CFAP61: variants seen among roughly 807,000 people sequenced by gnomAD.
CFAP61 encodes the protein cilia and flagella associated protein 61.
In CFAP61, 107 loss-of-function variants were observed where a neutral mutation model predicts 135.6. That is an observed-to-expected ratio of 0.79 (90% CI 0.67 to 0.93). The LOEUF is 0.93. Among genes scored for constraint, CFAP61 ranks in the 40% least tolerant of loss-of-function variants. The pLI is 0.00. For missense variants in CFAP61, 1,507 were observed against 1,556.2 expected, an observed-to-expected ratio of 0.97 and a Z score of 0.53; for synonymous variants, 575 against 578.5, an observed-to-expected ratio of 0.99 and a Z score of 0.09.
intron 25 of CFAP61, among the ~76,000 whole-genome samples, chr20:20,340,663 G>A (rs1429636503): frequency 2.0e-5 from 3 of 152,180 alleles, no homozygotes; most frequent in Admixed American, 1.3e-4. Flanking sequence ...CGAGCAGGCG[G>A]TTCCGCCACC....
chr20:20,278,152 A>C lies in CFAP61; in HGVS notation c.2796+694A>C, dbSNP rs77868216. ...TGCCATGCCCCAGGACATTCTGTCA[A>C]CTCATCAGGACAGCTCTGTAAAGGG... On this transcript the variant is annotated intron_variant, in intron 22 of 26. Transcript: ENST00000245957. Among the ~76,000 whole-genome samples, 317 of 152,304 alleles carry C rather than the reference A, an allele frequency of 2.1e-3. 7 individuals are homozygous for C. In the East Asian group the frequency reaches 0.051, roughly 24 times the overall value.
chr20:20,296,280 TCATC>T (rs2055524852), intron 24 of CFAP61, among the ~76,000 whole-genome samples: 2 of 60,032 alleles, frequency 3.3e-5, no homozygotes, highest in Admixed American at 2.3e-4. Context: ...CCCCCTTCCC[TCATC>T]CCTTCCCTCC....
chr20:20,347,502 C>T lies in CFAP61; in HGVS notation c.3513+5581C>T, dbSNP rs144063270. ...GCTAGACTGCCTAAGAAAAAAGACT[C>T]AAATTACTAAAGTTAGAAATACAAG... On this transcript the variant is annotated intron_variant, in intron 26 of 26. Coordinates refer to ENST00000245957, the MANE Select transcript of CFAP61 (RefSeq NM_015585.4). Among the ~76,000 whole-genome samples, 1,144 of 152,206 alleles carry T rather than the reference C, an allele frequency of 7.5e-3. 12 individuals are homozygous for T. Among genetic ancestry groups the T allele is most frequent in the African/African-American group, 0.026 (1,095 of 41,538 alleles).
chr20:20,280,850 T>C (rs1054293176), intron 22 of CFAP61, among the ~76,000 whole-genome samples: 1 of 152,192 alleles, frequency 6.6e-6, no homozygotes, highest in Non-Finnish European at 1.5e-5. Flanking sequence ...TGTATGAGAG[T>C]TCCAGATACT....
rs71198053 is a variant in CFAP61, at chr20:20,355,986, C to CGTA, written c.3514-4222_3514-4221insAGT. ...GGGAGGTGATCACACTGTGAGGGGA[C>CGTA]GTCACACTGTGAGGGGAGGTGGTCA... On this transcript the variant is annotated intron_variant, in intron 26 of 26. Coordinates refer to ENST00000245957, the MANE Select transcript of CFAP61 (RefSeq NM_015585.4). Among the ~76,000 whole-genome samples the CGTA allele has an allele frequency of 2.1e-5, 2 of 96,558 alleles. 1 individual carries two copies. Among genetic ancestry groups the CGTA allele is most frequent in the Non-Finnish European group, 4.0e-5 (2 of 50,390 alleles). 63.3% of individuals were successfully genotyped at this position (96,558 alleles called of 152,430 possible).
intron 17 of CFAP61, chr20:20,221,765 A>G (rs1030019711): frequency 2.0e-5 from 3 of 152,220 alleles, no homozygotes; most frequent in African/African-American, 7.2e-5. Flanking sequence ...AAAACATGGA[A>G]TTACATCCAT....
At chr20:20,067,479 T>TA (rs1391724053) in intron 2 of CFAP61, among the ~76,000 whole-genome samples, 1 of 151,306 alleles carries the variant, frequency 6.6e-6, no homozygotes, top group African/African-American at 2.4e-5. Flanking sequence ...TTGTCTCTAC[T>TA]AAAAATACAA....
intron 8 of CFAP61, among the ~76,000 whole-genome samples, chr20:20,123,072 G>A (rs1389310319): frequency 2.6e-5 from 4 of 151,528 alleles, no homozygotes; most frequent in African/African-American, 9.8e-5. Context: ...ATCTTCTTTT[G>A]AGAATTATCT....
intron 19 of CFAP61, among the ~76,000 whole-genome samples, chr20:20,251,270 C>G (rs2050869882): frequency 1.3e-5 from 2 of 152,034 alleles, no homozygotes; most frequent in South Asian, 4.1e-4. Context: ...TACAACCACT[C>G]TGAAGTAGAA....
intron 20 of CFAP61, among the ~76,000 whole-genome samples, chr20:20,261,086 G>T (rs2052150279): frequency 6.6e-6 from 1 of 152,116 alleles, no homozygotes; most frequent in African/African-American, 2.4e-5. Context: ...TATTTATTTA[G>T]TTGTTCCCTT....
chr20:20,093,148 A>G (rs1340602229), intron 7 of CFAP61, among the ~76,000 whole-genome samples: 1 of 152,248 alleles, frequency 6.6e-6, no homozygotes, highest in Non-Finnish European at 1.5e-5. Flanking sequence ...AGAACGAAGC[A>G]CTGATACATG....
chr20:20,126,493 C>G (rs959509200), intron 8 of CFAP61, among the ~76,000 whole-genome samples: 2 of 151,812 alleles, frequency 1.3e-5, no homozygotes, highest in Non-Finnish European at 2.9e-5. Context: ...TCTCTGGATA[C>G]GAAATCCTTG....
At chr20:20,279,726 C>T (rs1195124539) in intron 22 of CFAP61, among the ~76,000 whole-genome samples, 4 of 152,168 alleles carry the variant, frequency 2.6e-5, no homozygotes, top group East Asian at 1.9e-4. Flanking sequence ...ATCCTAACAC[C>T]GTCTGAGTCA....
At chr20:20,194,816 G>T (rs1490397429) in intron 15 of CFAP61, among the ~76,000 whole-genome samples, 1 of 152,188 alleles carries the variant, frequency 6.6e-6, no homozygotes, top group Admixed American at 6.5e-5. Flanking sequence ...TAGTGGTAGG[G>T]TTTCCTTCCA....
chr20:20,079,197 A>C (rs1021554763), intron 6 of CFAP61, among the ~76,000 whole-genome samples: 1 of 152,058 alleles, frequency 6.6e-6, no homozygotes, highest in African/African-American at 2.4e-5. Flanking sequence ...TCTTGTTCTC[A>C]TGACTCTGAA....
At chr20:20,194,950 T>C (rs1016074385) in intron 15 of CFAP61, among the ~76,000 whole-genome samples, 1 of 152,244 alleles carries the variant, frequency 6.6e-6, no homozygotes, top group Non-Finnish European at 1.5e-5. Context: ...GCCCATCTGC[T>C]GTTTTGAGCT....
At chr20:20,219,972 C>T (rs551970481) in intron 17 of CFAP61, among the ~76,000 whole-genome samples, 72 of 152,244 alleles carry the variant, frequency 4.7e-4, no homozygotes, top group African/African-American at 1.7e-3. Flanking sequence ...GTGAGAGGAG[C>T]ATCTTTTGTT....
intron 25 of CFAP61, among the ~76,000 whole-genome samples, chr20:20,341,341 G>A (rs1210993630): frequency 6.6e-6 from 1 of 152,200 alleles, no homozygotes; most frequent in African/African-American, 2.4e-5. Flanking sequence ...TCTCCTACAA[G>A]AGATTCAATT....
At chr20:20,340,530 G>A (rs902295336) in intron 25 of CFAP61, among the ~76,000 whole-genome samples, 7 of 152,160 alleles carry the variant, frequency 4.6e-5, no homozygotes, top group Non-Finnish European at 7.3e-5. Context: ...CCTCTCTGAA[G>A]CAGACGATGA....
Sources: allele counts gnomAD v4.1 joint callset (sites outside exome capture counted in the v4.1 genomes callset), GRCh38; gene constraint gnomAD v4.1.1; transcripts MANE v1.5; gene names NCBI Gene and HGNC (gene_info 2026-07-23, HGNC 2026-07-21).